Variants in GMDS observed in about 807,000 individuals in gnomAD.
GMDS encodes the protein GDP-mannose 4,6-dehydratase.
Under a neutral mutation model 49.9 loss-of-function variants are expected in GMDS, and 20 were observed. The ratio of observed to expected loss-of-function variants is 0.40; its 90% CI spans 0.28 to 0.58. GMDS has a LOEUF of 0.58. Ranked by LOEUF, GMDS falls within the 20% of genes least tolerant of loss-of-function variation. The pLI, the probability that GMDS is intolerant of heterozygous loss-of-function variation, is 0.42. For missense variants in GMDS, 362 were observed against 481.4 expected (o/e 0.75, Z 2.32); for synonymous variants, 177 against 178.6 (o/e 0.99, Z 0.07).
At chr6:2,113,110 A>C (rs1774641401) in intron 4 of GMDS, among the ~76,000 whole-genome samples, 2 of 152,150 alleles carry the variant, frequency 1.3e-5, no homozygotes, top group African/African-American at 4.8e-5. Flanking sequence ...TGTTTCCAAA[A>C]GGGAACTTAT....
chr6:1,870,698 C>T (rs766365965), intron 7 of GMDS, among the ~76,000 whole-genome samples: 3 of 152,116 alleles, frequency 2.0e-5, no homozygotes, highest in Non-Finnish European at 2.9e-5. Flanking sequence ...ACTTTTGTTA[C>T]GCCCAAGACA....
At chr6:1,638,097 G>C (rs551859708) in intron 9 of GMDS, among the ~76,000 whole-genome samples, 1 of 152,308 alleles carries the variant, frequency 6.6e-6, no homozygotes, top group Admixed American at 6.5e-5. Context: ...CAACAACACG[G>C]ACAGAAGAGA....
At chr6:1,759,225 G>T (rs1398690886) in intron 7 of GMDS, among the ~76,000 whole-genome samples, 1 of 152,172 alleles carries the variant, frequency 6.6e-6, no homozygotes, top group African/African-American at 2.4e-5. Context: ...CTGATAGGGT[G>T]GAGTGAATTA....
chr6:2,231,456 C>CA (rs1487854209), intron 1 of GMDS, among the ~76,000 whole-genome samples: 5 of 151,958 alleles, frequency 3.3e-5, no homozygotes, highest in African/African-American at 1.2e-4. Flanking sequence ...CGCAGGTACT[C>CA]AGGGGGCTGA....
intron 9 of GMDS, among the ~76,000 whole-genome samples, chr6:1,681,937 C>A (rs1764806374): frequency 6.6e-6 from 1 of 152,004 alleles, no homozygotes; most frequent in Non-Finnish European, 1.5e-5. Flanking sequence ...TCAAGTGATT[C>A]ATCTGCCTTC....
intron 6 of GMDS, among the ~76,000 whole-genome samples, chr6:1,952,669 C>A (rs949386158): frequency 6.6e-6 from 1 of 151,878 alleles, no homozygotes; most frequent in African/African-American, 2.4e-5. Flanking sequence ...GCCCCATGGT[C>A]AGAGACAGAG....
chr6:1,817,713 G>A (rs1770728179), intron 7 of GMDS, among the ~76,000 whole-genome samples: 1 of 152,056 alleles, frequency 6.6e-6, no homozygotes. Flanking sequence ...GATGAAGCTG[G>A]GTCAGGAGCA....
intron 7 of GMDS, among the ~76,000 whole-genome samples, chr6:1,820,714 CTGAG>C (rs552362228): frequency 6.6e-6 from 1 of 152,188 alleles, no homozygotes; most frequent in Non-Finnish European, 1.5e-5. Context: ...CACTTTTGAA[CTGAG>C]TAAGTTCACT....
intron 7 of GMDS, among the ~76,000 whole-genome samples, chr6:1,786,093 G>A (rs374737216): frequency 3.9e-5 from 6 of 152,356 alleles, no homozygotes; most frequent in South Asian, 2.1e-4. Context: ...AGTGCCGTCC[G>A]AGAATTTGGA....
intron 6 of GMDS, chr6:1,949,159 A>G (rs1444977672): frequency 1.2e-5 from 3 of 246,992 alleles, no homozygotes; most frequent in Non-Finnish European, 1.9e-5. Flanking sequence ...TAAATCTTCA[A>G]AATCTACTAT....
intron 4 of GMDS, among the ~76,000 whole-genome samples, chr6:2,008,172 CTCA>C (rs1767317033): frequency 6.6e-6 from 1 of 152,164 alleles, no homozygotes; most frequent in Non-Finnish European, 1.5e-5. Context: ...TCATATCTTT[CTCA>C]TCATTTGATT....
intron 7 of GMDS, among the ~76,000 whole-genome samples, chr6:1,830,039 G>A (rs1180685440): frequency 5.3e-5 from 8 of 152,004 alleles, no homozygotes; most frequent in Non-Finnish European, 7.4e-5. Context: ...CTAGACTGCC[G>A]CTGTCCAATA....
At chr6:1,830,995 A>C (rs1276280498) in intron 7 of GMDS, among the ~76,000 whole-genome samples, 2 of 152,260 alleles carry the variant, frequency 1.3e-5, no homozygotes, top group African/African-American at 4.8e-5. Flanking sequence ...AAAGTAATGC[A>C]CATAAACATG....
chr6:2,060,043 C>T (rs1196421721), intron 4 of GMDS, among the ~76,000 whole-genome samples: 1 of 152,070 alleles, frequency 6.6e-6, no homozygotes, highest in Non-Finnish European at 1.5e-5. Context: ...AATAAACCTC[C>T]CTCATTTTTT....
At chr6:1,850,867 T>TCACTCAGCTGGCAGCC (rs1368299648) in intron 7 of GMDS, among the ~76,000 whole-genome samples, 1 of 152,220 alleles carries the variant, frequency 6.6e-6, no homozygotes, top group Non-Finnish European at 1.5e-5. Flanking sequence ...GCAGGGCAGC[T>TCACTCAGCTGGCAGCC]CACTCAGCTG....
At chr6:2,133,544 C>T (rs894754203) in intron 1 of GMDS, among the ~76,000 whole-genome samples, 2 of 152,072 alleles carry the variant, frequency 1.3e-5, no homozygotes, top group African/African-American at 4.8e-5. Flanking sequence ...CAGTTAAGAC[C>T]GTTCTTAAAA....
intron 4 of GMDS, among the ~76,000 whole-genome samples, chr6:1,990,540 C>A (rs1232999871): frequency 6.6e-6 from 1 of 152,116 alleles, no homozygotes; most frequent in African/African-American, 2.4e-5. Context: ...GTGGAACATA[C>A]CCCCTGACAA....
intron 1 of GMDS, among the ~76,000 whole-genome samples, chr6:2,215,499 A>G (rs1780286290): frequency 6.6e-6 from 1 of 151,744 alleles, no homozygotes; most frequent in African/African-American, 2.4e-5. Context: ...CACCCCCATG[A>G]CTCAGTGATC....
intron 4 of GMDS, among the ~76,000 whole-genome samples, chr6:2,100,016 T>C (rs1283696295): frequency 1.3e-5 from 2 of 152,064 alleles, no homozygotes; most frequent in East Asian, 3.8e-4. Flanking sequence ...GCATAACTCT[T>C]ACCTGTTTCC....
Sources: gnomAD v4.1 joint callset for allele counts (sites outside exome capture counted in the v4.1 genomes callset) on GRCh38, gnomAD v4.1.1 for gene constraint, MANE v1.5 for transcripts, NCBI Gene and HGNC (gene_info 2026-07-23, HGNC 2026-07-21) for gene names.